YBX1: variants seen among roughly 807,000 people sequenced by gnomAD.
The protein encoded by YBX1 is Y-box-binding protein 1.
A neutral mutation model predicts 41.4 loss-of-function variants in YBX1; 3 were observed. That is an observed-to-expected ratio of 0.07 (90% CI 0.03 to 0.19). YBX1 has a LOEUF of 0.19. Among genes scored for constraint, YBX1 ranks in the 10% least tolerant of loss-of-function variants. YBX1 has a pLI of 1.00. For synonymous variants in YBX1, 133 were observed against 165.8 expected (o/e 0.80, Z 1.52); for missense variants, 274 against 462.8 (o/e 0.59, Z 3.74).
chr1:42,696,105 T>A lies in YBX1; in HGVS notation c.265-94T>A. On this transcript the variant is annotated intron_variant, in intron 3 of 7. Coordinates refer to ENST00000321358, the MANE Select transcript of YBX1 (RefSeq NM_004559.5). The surrounding 1 kb of genome is among the most constrained non-coding windows in gnomAD (Gnocchi z 5.7). ...ATTTAAAGCAAATCTTAAGTGTATA[T>A]CCAAGCTAAAATAATATTGACTCTG... 11 of 1,132,140 alleles carry A rather than the reference T, an allele frequency of 9.7e-6. No individual in the cohort carries two copies. Among genetic ancestry groups the A allele is most frequent in the Non-Finnish European group, 1.2e-5 (10 of 800,280 alleles). The allele number at this position is 1,132,140 out of a possible 1,614,324, so 70.1% of individuals were successfully genotyped here. A position where few individuals can be genotyped will look rare whatever the true frequency, so the allele number is the denominator to read the frequency against.
intron 7 of YBX1, among the ~76,000 whole-genome samples, chr1:42,701,315 A>G (rs943886445): frequency 1.3e-5 from 2 of 152,182 alleles, no homozygotes; most frequent in African/African-American, 4.8e-5. Flanking sequence ...AGTGCTTTCT[A>G]TCAACTTTTC....
intron 2 of YBX1, among the ~76,000 whole-genome samples, chr1:42,687,615 T>C (rs2148736258): frequency 6.6e-6 from 1 of 151,742 alleles, no homozygotes; most frequent in East Asian, 1.9e-4. Flanking sequence ...TTTTTAAAGG[T>C]GGCGGTGTAA....
chr1:42,683,271 C>G (rs12035470), intron 1 of YBX1, 132 bp from the exon 2 acceptor site: 7 of 1,067,892 alleles, frequency 6.6e-6, no homozygotes, highest in Non-Finnish European at 7.2e-6. Context: ...GCCCCGCACC[C>G]GGGCGGTGGA....
At chr1:42,690,483 C>T (rs1031957824) in intron 2 of YBX1, among the ~76,000 whole-genome samples, 4 of 152,108 alleles carry the variant, frequency 2.6e-5, no homozygotes, top group Admixed American at 1.3e-4. Context: ...TACATATATA[C>T]AGGGCACCAG....
Position 42,696,878 on chromosome 1 carries a change from C to T in YBX1, c.591C>T (p.Tyr197=), listed in dbSNP as rs1290667174. 13 of 1,597,982 alleles carry T rather than the reference C, an allele frequency of 8.1e-6. No individual in the cohort carries two copies. The highest frequency in any genetic ancestry group is 1.3e-5 in the African/African-American group (1 of 74,706). ...GCAGGCGAAGGTTCCCACCTTACTA[C>T]ATGCGGAGACCCTATGGGCGTCGAC... ...PYRRRRFPPY[Y]MRRPYGRRPQ... Residue 197 remains tyrosine, a synonymous_variant, in exon 5 of 8, where the codon TAC becomes TAT. Coordinates refer to ENST00000321358, the MANE Select transcript of YBX1 (RefSeq NM_004559.5). This position sits in a 1 kb window ranked among gnomAD's most constrained non-coding sequence, Gnocchi z 5.7.
At chr1:42,682,877 A>G (rs1339196858) in intron 1 of YBX1, 146 bp downstream of exon 1, 29 of 233,094 alleles carry the variant, frequency 1.2e-4, no homozygotes, top group African/African-American at 5.4e-4. Context: ...TCCCCCCCTC[A>G]CTCCCTCTCG....
At chr1:42,687,566 G>A (rs1650226362) in intron 2 of YBX1, among the ~76,000 whole-genome samples, 1 of 152,186 alleles carries the variant, frequency 6.6e-6, no homozygotes, top group Non-Finnish European at 1.5e-5. Flanking sequence ...ACAGGTGTGA[G>A]CCACTGCGCC....
Position 42,698,117 on chromosome 1 carries a change from A to G in YBX1, c.740+855A>G, listed in dbSNP as rs74321450. On this transcript the variant is annotated intron_variant, in intron 6 of 7. Transcript: ENST00000321358. ...AAGTTTATTATTCTAGAAGTATCCA[A>G]CATATCCAAAATATACTGTGAGTCT... Among the ~76,000 whole-genome samples the G allele has an allele frequency of 7.5e-4, 114 of 152,382 alleles. 2 individuals carry two copies. The East Asian group carries it at 0.02, about 27-fold the overall frequency.
In YBX1 at chr1:42,703,392, A is replaced by G. The variant is rs776628883; in HGVS notation, c.*1443A>G. 1.3e-5 allele frequency among the ~76,000 whole-genome samples: 2 copies of G among 152,094 alleles called. No individual in the cohort carries two copies. The highest frequency in any genetic ancestry group is 2.4e-5 in the African/African-American group (1 of 41,410). On this transcript the variant is annotated 3_prime_UTR_variant, in exon 8 of 8. Transcript: ENST00000321358. ...GGGGTCGGGAGTAGGCCAGAGTGGC[A>G]CATCAGGAATCCTGCAGTGCTGTGG...
At chr1:42,691,812 C>T (rs1445745957) in intron 2 of YBX1, among the ~76,000 whole-genome samples, 1 of 152,190 alleles carries the variant, frequency 6.6e-6, no homozygotes, top group Admixed American at 6.5e-5. Flanking sequence ...AACTAACACC[C>T]ACCACTTCCA....
intron 6 of YBX1, 110 bp downstream of exon 6, chr1:42,697,372 T>C: frequency 9.5e-7 from 1 of 1,056,992 alleles, no homozygotes; most frequent in African/African-American, 1.6e-5. Context: ...ACTTCACGTT[T>C]TCTTTCATCA....
intron 2 of YBX1, 143 bp downstream of exon 2, chr1:42,683,609 G>T (rs930073636): frequency 1.4e-5 from 12 of 862,888 alleles, no homozygotes; most frequent in African/African-American, 1.3e-4. Context: ...ATGATTTTTT[G>T]TTGTTGTTGT....
intron 2 of YBX1, 41 bp downstream of exon 2, chr1:42,683,507 C>G: frequency 1.2e-6 from 2 of 1,610,698 alleles, no homozygotes; most frequent in Non-Finnish European, 1.7e-6. Flanking sequence ...CACCTTCTTG[C>G]TTGCTTCCTG....
intron 6 of YBX1, among the ~76,000 whole-genome samples, chr1:42,699,905 G>T (rs974424208): frequency 1.3e-5 from 2 of 152,210 alleles, no homozygotes; most frequent in South Asian, 4.1e-4. Context: ...GCTGGACTGG[G>T]AGGTCAGTCT....
chr1:42,683,554 C>T (rs1650115842), intron 2 of YBX1, 88 bp downstream of exon 2: 3 of 1,478,286 alleles, frequency 2.0e-6, no homozygotes, highest in Non-Finnish European at 2.8e-6. Flanking sequence ...AGCCCCAATC[C>T]ACAGCTCTGT....
At chr1:42,683,237 T>TGCGGCG (rs760257968) in intron 1 of YBX1, 166 bp from the exon 2 acceptor site, 2 of 789,526 alleles carry the variant, frequency 2.5e-6, no homozygotes, top group Non-Finnish European at 2.2e-6. Flanking sequence ...CACCCACGTG[T>TGCGGCG]GCGGCGGCGG....
At chr1:42,692,347 A>G (rs1205855577) in intron 2 of YBX1, among the ~76,000 whole-genome samples, 1 of 152,202 alleles carries the variant, frequency 6.6e-6, no homozygotes, top group Non-Finnish European at 1.5e-5. Flanking sequence ...ACAGATGGAC[A>G]TTAGGTACAG....
chr1:42,688,540 C>G (rs1650254649), intron 2 of YBX1, among the ~76,000 whole-genome samples: 1 of 152,198 alleles, frequency 6.6e-6, no homozygotes, highest in East Asian at 1.9e-4. Flanking sequence ...CCTATTGCTA[C>G]TGCAGTGAGC....
chr1:42,683,030 G>A (rs1188095823), intron 1 of YBX1: 5 of 386,368 alleles, frequency 1.3e-5, no homozygotes, highest in East Asian at 1.4e-4. Flanking sequence ...GGCCTCGTGC[G>A]CTCGGGCCCG....
Sources: gnomAD v4.1 joint callset for allele counts (sites outside exome capture counted in the v4.1 genomes callset) on GRCh38, gnomAD v4.1.1 for gene constraint, Gnocchi (gnomAD v3.1) non-coding constraint, MANE v1.5 for transcripts, NCBI Gene and HGNC (gene_info 2026-07-23, HGNC 2026-07-21) for gene names.